GLI2: variants seen among roughly 807,000 people sequenced by gnomAD.
The protein encoded by GLI2 is transcription activator GLI2.
GLI2 carries 22 observed loss-of-function variants against 78.9 expected under a neutral mutation model. The ratio of observed to expected loss-of-function variants is 0.28; its 90% CI spans 0.20 to 0.40. The LOEUF is 0.40. Ranked by LOEUF, GLI2 falls within the 10% of genes least tolerant of loss-of-function variation. The pLI is 1.00. For missense variants in GLI2, 2,097 were observed against 2,213.2 expected, an observed-to-expected ratio of 0.95 and a Z score of 1.05; for synonymous variants, 974 against 963.7, an observed-to-expected ratio of 1.01 and a Z score of -0.20.
intron 2 of GLI2, among the ~76,000 whole-genome samples, chr2:120,832,414 C>T (rs907563489): frequency 5.9e-5 from 9 of 152,334 alleles, no homozygotes; most frequent in Non-Finnish European, 8.8e-5. Flanking sequence ...ACCCGGGCAG[C>T]AGGGCCTGGG....
chr2:120,914,226 A>T (rs1678978748), intron 2 of GLI2, among the ~76,000 whole-genome samples: 1 of 152,186 alleles, frequency 6.6e-6, no homozygotes, highest in Non-Finnish European at 1.5e-5. Flanking sequence ...CTGTCAAATG[A>T]GTATGTCAAG....
At chr2:120,888,363 T>C (rs1374167862) in intron 2 of GLI2, among the ~76,000 whole-genome samples, 1 of 152,260 alleles carries the variant, frequency 6.6e-6, no homozygotes, top group Non-Finnish European at 1.5e-5. Context: ...GTTGACTCCA[T>C]GAGTTCTCTC....
At chr2:120,765,557 C>T (rs575429765) in intron 1 of GLI2, among the ~76,000 whole-genome samples, 5 of 152,316 alleles carry the variant, frequency 3.3e-5, no homozygotes, top group South Asian at 2.1e-4. Context: ...CTGGTCTGTA[C>T]CCAGGCCGGG....
chr2:120,793,382 G>T (rs547427110), intron 1 of GLI2, among the ~76,000 whole-genome samples: 4 of 152,198 alleles, frequency 2.6e-5, no homozygotes, highest in African/African-American at 7.2e-5. Flanking sequence ...TGTGGAGCCC[G>T]TGGGAGCCAT....
At chr2:120,827,978 G>A (rs917747586) in intron 2 of GLI2, among the ~76,000 whole-genome samples, 7 of 152,234 alleles carry the variant, frequency 4.6e-5, no homozygotes, top group East Asian at 1.9e-4. Context: ...GCGGAACAAC[G>A]TGAATGTACT....
chr2:120,952,490 A>C (rs535305866), intron 4 of GLI2, among the ~76,000 whole-genome samples: 67 of 152,334 alleles, frequency 4.4e-4, no homozygotes, highest in Non-Finnish European at 3.4e-4. Context: ...CTGGGATTGC[A>C]CGATGAAAAG....
intron 2 of GLI2, among the ~76,000 whole-genome samples, chr2:120,904,995 G>A (rs987233126): frequency 1.3e-5 from 2 of 152,228 alleles, no homozygotes; most frequent in Admixed American, 6.5e-5. Context: ...GCCACGGACA[G>A]TGATTGAAAA....
chr2:120,927,947 G>T (rs1679768946), intron 3 of GLI2, among the ~76,000 whole-genome samples: 1 of 152,156 alleles, frequency 6.6e-6, no homozygotes, highest in Non-Finnish European at 1.5e-5. Context: ...CCTATTCCCA[G>T]CTTTGAAGTC....
intron 2 of GLI2, among the ~76,000 whole-genome samples, chr2:120,903,779 G>A (rs1031419092): frequency 5.9e-5 from 9 of 152,184 alleles, no homozygotes; most frequent in Non-Finnish European, 1.0e-4. Flanking sequence ...AAACCCCTTT[G>A]TGCTTCCTGC....
chr2:120,818,146 G>C (rs1685590153), intron 2 of GLI2, among the ~76,000 whole-genome samples: 1 of 152,232 alleles, frequency 6.6e-6, no homozygotes, highest in Admixed American at 6.5e-5. Flanking sequence ...GCCTTGCAGA[G>C]AGGTGGTGGG....
chr2:120,809,125 C>A (rs905054504), intron 2 of GLI2, among the ~76,000 whole-genome samples: 2 of 152,206 alleles, frequency 1.3e-5, no homozygotes, highest in African/African-American at 4.8e-5. Context: ...AAGCATCCAT[C>A]CGCTAATGAA....
chr2:120,835,686 A>G (rs977380878), intron 2 of GLI2, among the ~76,000 whole-genome samples: 12 of 152,232 alleles, frequency 7.9e-5, no homozygotes, highest in Admixed American at 3.9e-4. Context: ...GCATCGGCCC[A>G]GACTATCTGT....
chr2:120,863,366 C>T (rs1687986784), intron 2 of GLI2, among the ~76,000 whole-genome samples: 2 of 152,226 alleles, frequency 1.3e-5, no homozygotes, highest in East Asian at 1.9e-4. Flanking sequence ...TTCCTGACCG[C>T]GGTCTCCACC....
rs756887433 is a variant in GLI2, at chr2:120,990,075, T to G, written c.4110T>G (p.Arg1370=). ...CCACTGGCCGCCACCGTGGGGTACG[T>G]GCTGTGCAGCAGCAGCTGGCCTACG... ...PSPTGRHRGV[R]AVQQQLAYAR... Residue 1370 remains arginine (R), a synonymous_variant, in exon 14 of 14, where the codon CGT becomes CGG. Transcript: ENST00000361492. 2.3e-5 allele frequency: 37 copies of G among 1,599,932 alleles called. No homozygotes were observed. The highest frequency in any genetic ancestry group is 2.0e-4 in the African/African-American group (15 of 74,722).
intron 1 of GLI2, among the ~76,000 whole-genome samples, chr2:120,775,390 G>A (rs74659862): frequency 3.3e-5 from 5 of 152,334 alleles, no homozygotes; most frequent in East Asian, 3.9e-4. Context: ...TCCCGGTGCC[G>A]TTCAGTGGTG....
intron 5 of GLI2, 29 bp downstream of exon 5, chr2:120,955,459 T>A: frequency 7.1e-7 from 1 of 1,417,762 alleles, no homozygotes; most frequent in South Asian, 1.3e-5. Flanking sequence ...GGGCTGAGGA[T>A]GGGGCTAGCA....
At chr2:120,788,600 G>A (rs1487531595) in intron 1 of GLI2, among the ~76,000 whole-genome samples, 2 of 152,228 alleles carry the variant, frequency 1.3e-5, no homozygotes, top group Non-Finnish European at 2.9e-5. Context: ...TCCCATTGGG[G>A]CCCTCCCTGG....
intron 1 of GLI2, among the ~76,000 whole-genome samples, chr2:120,785,250 G>C (rs947774269): frequency 6.6e-6 from 1 of 152,154 alleles, no homozygotes; most frequent in Admixed American, 6.5e-5. Flanking sequence ...CCAGGCAGGA[G>C]CGAGGCTTAT....
chr2:120,976,376 G>C (rs1002066465), intron 9 of GLI2, among the ~76,000 whole-genome samples: 1 of 152,232 alleles, frequency 6.6e-6, no homozygotes. Context: ...CCCAAACACA[G>C]TTCTCACCCA....
Sources: gnomAD v4.1 joint callset for allele counts (sites outside exome capture counted in the v4.1 genomes callset) on GRCh38, gnomAD v4.1.1 for gene constraint, MANE v1.5 for transcripts, NCBI Gene and HGNC (gene_info 2026-07-23, HGNC 2026-07-21) for gene names.